SCOC: variants seen among roughly 807,000 people sequenced by gnomAD.
The protein encoded by SCOC is short coiled-coil protein.
In SCOC, 7 loss-of-function variants were observed where a neutral mutation model predicts 9.9. The ratio of observed to expected loss-of-function variants is 0.71; its 90% CI spans 0.40 to 1.33. The LOEUF (loss-of-function observed/expected upper bound fraction) is 1.33, where lower values mean the gene tolerates loss of function less well. Among genes scored for constraint, SCOC ranks in the 40% most tolerant of loss-of-function variants. The pLI is 0.01. For synonymous variants in SCOC, 19 were observed against 28.2 expected (o/e 0.67, Z 1.03); for missense variants, 66 against 89.7 (o/e 0.74, Z 1.07).
At chr4:140,275,452 G>A (rs1452117269) in intron 1 of SCOC, among the ~76,000 whole-genome samples, 1 of 152,192 alleles carries the variant, frequency 6.6e-6, no homozygotes, top group African/African-American at 2.4e-5. Flanking sequence ...TGTAACATCC[G>A]TCTTCCCCCT....
intron 1 of SCOC, among the ~76,000 whole-genome samples, chr4:140,327,853 T>C (rs192444209): frequency 1.3e-5 from 2 of 152,288 alleles, no homozygotes; most frequent in Admixed American, 1.3e-4. Flanking sequence ...ACTAGGACTG[T>C]ATCAGGGAAA....
chr4:140,361,868 G>A (rs774065756), intron 2 of SCOC, among the ~76,000 whole-genome samples: 25 of 152,100 alleles, frequency 1.6e-4, no homozygotes, highest in African/African-American at 3.9e-4. Flanking sequence ...CTTGTAATGC[G>A]CTTCATGTAG....
chr4:140,265,256 G>T (rs889786168), intron 1 of SCOC, among the ~76,000 whole-genome samples: 2 of 152,188 alleles, frequency 1.3e-5, no homozygotes, highest in African/African-American at 2.4e-5. Flanking sequence ...GTTCCCAAAA[G>T]TCGGTCCCTG....
At chr4:140,267,251 T>C (rs2126395883) in intron 1 of SCOC, among the ~76,000 whole-genome samples, 1 of 152,236 alleles carries the variant, frequency 6.6e-6, no homozygotes, top group South Asian at 2.1e-4. Flanking sequence ...TGACTGATGC[T>C]GGAGATTTGA....
At position 140,362,596 on chromosome 4, in the gene SCOC, T is replaced by C. The variant is rs1727619457; in HGVS notation, c.71-16525T>C. On this transcript the variant is annotated intron_variant, in intron 2 of 4. Transcript: ENST00000338517. Reference sequence around the variant, plus strand: ...AGGCGTGAGCCACTGTGCCCAGCTGTTACTTCTTATTGTTGTAGGGTTTGG... The same window carrying C: ...AGGCGTGAGCCACTGTGCCCAGCTGCTACTTCTTATTGTTGTAGGGTTTGG... The C allele has an allele frequency of 2.6e-5, 4 of 151,908 alleles. No individual in the cohort carries two copies. In the South Asian group the frequency reaches 8.3e-4, roughly 32 times the overall value. 9.4% of individuals were successfully genotyped at this position (151,908 alleles called of 1,614,324 possible).
intron 1 of SCOC, among the ~76,000 whole-genome samples, chr4:140,258,373 C>A (rs1340731444): frequency 2.0e-5 from 3 of 152,234 alleles, no homozygotes; most frequent in Non-Finnish European, 4.4e-5. Context: ...TTGAGGCCAG[C>A]TTCTGTTTCC....
intron 1 of SCOC, among the ~76,000 whole-genome samples, chr4:140,304,315 G>A (rs931824380): frequency 6.6e-6 from 1 of 152,124 alleles, no homozygotes; most frequent in African/African-American, 2.4e-5. Flanking sequence ...GAGGTAGCAG[G>A]TAGGAGGTCG....
chr4:140,311,602 T>C (rs552992817), intron 1 of SCOC, among the ~76,000 whole-genome samples: 1 of 152,292 alleles, frequency 6.6e-6, no homozygotes, highest in Non-Finnish European at 1.5e-5. Flanking sequence ...ACATGCCCTC[T>C]TCCTCCTGGT....
chr4:140,279,931 G>T (rs931401150), intron 1 of SCOC, among the ~76,000 whole-genome samples: 6 of 152,144 alleles, frequency 3.9e-5, no homozygotes, highest in Non-Finnish European at 8.8e-5. Context: ...CAAGATGGAT[G>T]CTCTAGCTTT....
At chr4:140,365,892 G>T (rs900784344) in intron 2 of SCOC, among the ~76,000 whole-genome samples, 8 of 152,236 alleles carry the variant, frequency 5.3e-5, no homozygotes, top group Non-Finnish European at 1.0e-4. Context: ...TAGGTTATTA[G>T]CAATTATACT....
intron 2 of SCOC, among the ~76,000 whole-genome samples, chr4:140,355,399 T>C (rs1727183273): frequency 1.3e-5 from 2 of 152,044 alleles, no homozygotes; most frequent in Non-Finnish European, 2.9e-5. Flanking sequence ...CACACAAATA[T>C]CATGCTATTG....
chr4:140,276,382 G>A (rs34004871), intron 1 of SCOC, among the ~76,000 whole-genome samples: 18,995 of 151,806 alleles, frequency 0.13, 1,542 homozygotes, highest in Middle Eastern at 0.21. Context: ...CAAGTGATCC[G>A]CTTGCCTTGG....
chr4:140,332,821 C>T (rs1217922202), intron 1 of SCOC, among the ~76,000 whole-genome samples: 2 of 152,138 alleles, frequency 1.3e-5, no homozygotes, highest in Admixed American at 6.6e-5. Context: ...TCATCTCTTG[C>T]CTGGATTACT....
intron 2 of SCOC, among the ~76,000 whole-genome samples, chr4:140,356,323 A>T (rs1176535174): frequency 1.3e-5 from 2 of 152,218 alleles, no homozygotes; most frequent in Admixed American, 1.3e-4. Context: ...TATATTTCTT[A>T]CAAACGAAGA....
chr4:140,337,785 G>C (rs1711672763), intron 1 of SCOC, among the ~76,000 whole-genome samples: 1 of 152,122 alleles, frequency 6.6e-6, no homozygotes, highest in African/African-American at 2.4e-5. Context: ...CCAATAACAG[G>C]CTCTGAAATT....
At chr4:140,376,877 ATC>A (rs1298897336) in intron 1 of SCOC, 1 of 152,216 alleles carries the variant, frequency 6.6e-6, no homozygotes, top group Non-Finnish European at 1.5e-5. Flanking sequence ...ACTGTATTAT[ATC>A]TGACTTCAAA....
chr4:140,366,171 TTTTC>T (rs1349332909), intron 2 of SCOC: 5 of 459,296 alleles, frequency 1.1e-5, no homozygotes, highest in Non-Finnish European at 6.2e-6. Context: ...GGGTGCCTCC[TTTTC>T]TTTCTTTCTT....
chr4:140,324,791 T>C (rs1732598284), intron 1 of SCOC, among the ~76,000 whole-genome samples: 1 of 151,928 alleles, frequency 6.6e-6, no homozygotes, highest in South Asian at 2.1e-4. Context: ...GAAATCCCAA[T>C]CAAAATCCAG....
rs567651490 is a variant in SCOC at position 140,300,474 on chromosome 4, C to T, written c.-19+43064C>T. 3.9e-5 allele frequency among the ~76,000 whole-genome samples: 6 copies of T among 152,288 alleles called. No homozygotes were observed. In the South Asian group the frequency reaches 1.2e-3, roughly 32 times the overall value. On this transcript the variant is annotated intron_variant, in intron 1 of 4. Coordinates refer to the SCOC transcript ENST00000394205. ...AGTGCCTGGCCTGTGCTGATGACAG[C>T]ACGTGAGTCATCAGCACTAAAGAAT...
Sources: allele counts gnomAD v4.1 joint callset (sites outside exome capture counted in the v4.1 genomes callset), GRCh38; gene constraint gnomAD v4.1.1; transcripts MANE v1.5; gene names NCBI Gene and HGNC (gene_info 2026-07-23, HGNC 2026-07-21).